The following HHIPL1 variants were observed in gnomAD, a reference collection of about 807,000 sequenced individuals.
HHIPL1 encodes HHIP like 1.
A neutral mutation model predicts 61.8 loss-of-function variants in HHIPL1; 43 were observed. That is an observed-to-expected ratio of 0.70 (90% CI 0.55 to 0.90). The LOEUF (loss-of-function observed/expected upper bound fraction) is 0.90. HHIPL1 is among the 40% of genes least tolerant of loss of function. HHIPL1 has a pLI of 0.00. For missense variants in HHIPL1, 1,056 were observed against 1,157.7 expected (o/e 0.91, Z 1.28); for synonymous variants, 482 against 515.8 (o/e 0.93, Z 0.89).
At chr14:99,670,497 C>T (rs974457227) in intron 7 of HHIPL1, among the ~76,000 whole-genome samples, 7 of 152,284 alleles carry the variant, frequency 4.6e-5, no homozygotes, top group East Asian at 1.9e-4. Context: ...TTAGTGGTTG[C>T]GTCTGCTTAG....
At chr14:99,669,047 A>G (rs1176614615) in intron 7 of HHIPL1, 12 of 1,460,932 alleles carry the variant, frequency 8.2e-6, no homozygotes, top group Non-Finnish European at 9.0e-6. Context: ...CTCTTCAAGC[A>G]CCTTCCCCAA....
At chr14:99,671,759 A>C (rs567443672) in intron 7 of HHIPL1, among the ~76,000 whole-genome samples, 38 of 152,202 alleles carry the variant, frequency 2.5e-4, no homozygotes, top group African/African-American at 7.5e-4. Context: ...CAAGGCCCCA[A>C]ATCCCTCAGC....
At chr14:99,641,348 AT>A (rs2055749001), upstream of HHIPL1, among the ~76,000 whole-genome samples, 1 of 139,592 alleles carries the variant, frequency 7.2e-6, no homozygotes, top group African/African-American at 2.6e-5. Context: ...TTTTATTTCT[AT>A]TTTTTTCTTC....
chr14:99,612,519 G>C, the HHIPL1 span, among the ~76,000 whole-genome samples: 2 of 152,146 alleles, frequency 1.3e-5, no homozygotes, highest in East Asian at 3.9e-4. Context: ...GCTTTCACAG[G>C]TACACAAATA....
chr14:99,619,058 G>A, the HHIPL1 span, among the ~76,000 whole-genome samples: 1 of 152,116 alleles, frequency 6.6e-6, no homozygotes, highest in Non-Finnish European at 1.5e-5. Flanking sequence ...TTTGTAATTG[G>A]TGGCAGTGCC....
chr14:99,629,572 A>G, the HHIPL1 span, among the ~76,000 whole-genome samples: 2 of 151,934 alleles, frequency 1.3e-5, no homozygotes, highest in South Asian at 2.1e-4. Flanking sequence ...ATCTTGGCTC[A>G]CTGCAACCTC....
intron 6 of HHIPL1, among the ~76,000 whole-genome samples, chr14:99,664,236 C>G (rs2056203741): frequency 6.6e-6 from 1 of 152,158 alleles, no homozygotes; most frequent in Admixed American, 6.5e-5. Flanking sequence ...GTGTCCCCTG[C>G]CCGGCTCAGT....
chr14:99,643,040 A>AC (rs566962537), upstream of HHIPL1, among the ~76,000 whole-genome samples: 189 of 149,522 alleles, frequency 1.3e-3, 7 homozygotes, highest in Middle Eastern at 0.021. Context: ...CTTCTGACTG[A>AC]CTTTTTTTTT....
In HHIPL1 at chr14:99,675,201, G is replaced by T; in HGVS notation, c.1924G>T (p.Ala642Ser). The change falls in exon 9 of 9, where the codon GCG becomes TCG. Residue 642 changes from alanine (A) to serine (S), a missense_variant. By Grantham distance (99) the Ala-to-Ser change is moderately conservative. Coordinates refer to ENST00000330710, the MANE Select transcript of HHIPL1 (RefSeq NM_001127258.3). This position sits in a 1 kb window ranked among gnomAD's most constrained non-coding sequence, Gnocchi z 5.4. ...TCCCCCCGCGCCAACCCCGCGGCCA[G>T]CGCGGCCCACCCAGCAGCCAGGGAG... The part of the protein sequence containing the change: ...AAPPAPTPRP[A>S]RPTQQPGSRR... 2 of 1,159,198 alleles carry T rather than the reference G, an allele frequency of 1.7e-6. No homozygotes were observed. The highest frequency in any genetic ancestry group is 2.1e-6 in the Non-Finnish European group (2 of 936,366). 71.8% of individuals were successfully genotyped at this position (1,159,198 alleles called of 1,614,324 possible).
At chr14:99,666,162 C>T (rs1246906860) in intron 6 of HHIPL1, among the ~76,000 whole-genome samples, 1 of 152,108 alleles carries the variant, frequency 6.6e-6, no homozygotes, top group Non-Finnish European at 1.5e-5. Flanking sequence ...CTATGACTGG[C>T]TTTGGGGGAA....
the HHIPL1 span, among the ~76,000 whole-genome samples, chr14:99,628,031 G>C: frequency 6.6e-6 from 1 of 152,062 alleles, no homozygotes; most frequent in Non-Finnish European, 1.5e-5. Context: ...CCTAGAGGGG[G>C]ATGGATTGGA....
the HHIPL1 span, among the ~76,000 whole-genome samples, chr14:99,624,271 C>T: frequency 3.9e-5 from 6 of 152,158 alleles, no homozygotes; most frequent in African/African-American, 1.2e-4. Flanking sequence ...TGGGGGCACT[C>T]GGGCCTGGGT....
Position 99,660,246 on chromosome 14 carries a change from G to T in HHIPL1, c.1376-34G>T, listed in dbSNP as rs1401251148. 2 of 1,613,120 alleles carry T rather than the reference G, an allele frequency of 1.2e-6. No homozygotes were observed. Among genetic ancestry groups the T allele is most frequent in the Non-Finnish European group, 1.7e-6 (2 of 1,179,754 alleles). ...TGGCTGATGAACCTTCCCGCCGCTG[G>T]CTCACCGAAGCTTCTCTCCCTCCCA... On this transcript the variant is annotated intron_variant, in intron 4 of 8. Transcript: ENST00000330710. This position sits in a 1 kb window ranked among gnomAD's most constrained non-coding sequence, Gnocchi z 4.9.
chr14:99,660,468 T>G lies in HHIPL1; in HGVS notation c.1502+62T>G. 1 of 1,565,144 alleles carries G rather than the reference T, an allele frequency of 6.4e-7. No homozygotes were observed. Among genetic ancestry groups the G allele is most frequent in the Non-Finnish European group, 8.7e-7 (1 of 1,148,888 alleles). ...CCACTGGCTCCTTGGGACTGGCTCC[T>G]TGGTAAAGGGGAGTGTATGTGTGCG... On this transcript the variant is annotated intron_variant, in intron 5 of 8. Coordinates refer to ENST00000330710, the MANE Select transcript of HHIPL1 (RefSeq NM_001127258.3). The surrounding 1 kb of genome is among the most constrained non-coding windows in gnomAD (Gnocchi z 4.9).
rs1313959821 is a variant in HHIPL1 at position 99,672,394 on chromosome 14, A to G, written c.1808A>G (p.Lys603Arg). 1 of 1,550,866 alleles carries G rather than the reference A, an allele frequency of 6.4e-7. No individual in the cohort carries two copies. Among genetic ancestry groups the G allele is most frequent in the East Asian group, 2.4e-5 (1 of 40,914 alleles). The change falls in exon 8 of 9, where the codon AAA becomes AGA. Residue 603 changes from lysine (K) to arginine (R), a missense_variant. Transcript: ENST00000330710. ...IRSRLIPFVPKEKFIPKTRST... is the reference protein window; with the variant it reads ...IRSRLIPFVPREKFIPKTRST... Reference sequence around the variant, plus strand: ...AGCCGTCTCATCCCCTTTGTGCCCAAAGAAAGTAAGTGCCTGCCAGTGGGA... The same window carrying G: ...AGCCGTCTCATCCCCTTTGTGCCCAGAGAAAGTAAGTGCCTGCCAGTGGGA...
chr14:99,613,329 T>A, the HHIPL1 span, among the ~76,000 whole-genome samples: 1 of 151,980 alleles, frequency 6.6e-6, no homozygotes, highest in African/African-American at 2.4e-5. Flanking sequence ...TGGTTTTTTT[T>A]AATTAATTTT....
Position 99,660,137 on chromosome 14 carries a change from TGCTGTGGGCAC to T in HHIPL1, c.1376-140_1376-130del. 1 of 673,388 alleles carries T rather than the reference TGCTGTGGGCAC, an allele frequency of 1.5e-6. No individual in the cohort carries two copies. Among genetic ancestry groups the T allele is most frequent in the Non-Finnish European group, 2.2e-6 (1 of 463,396 alleles). 41.7% of individuals were successfully genotyped at this position (673,388 alleles called of 1,614,324 possible). ...GACACGCTTTCCACCACGCCAGCCC[TGCTGTGGGCAC>T]GCCAGCCCTGCTGTGGGCACGCCCC... On this transcript the variant is annotated intron_variant, in intron 4 of 8. Coordinates refer to ENST00000330710, the MANE Select transcript of HHIPL1 (RefSeq NM_001127258.3). The surrounding 1 kb of genome is among the most constrained non-coding windows in gnomAD (Gnocchi z 4.9).
chr14:99,671,200 G>T (rs142038719), intron 7 of HHIPL1, among the ~76,000 whole-genome samples: 2 of 152,222 alleles, frequency 1.3e-5, no homozygotes, highest in Non-Finnish European at 2.9e-5. Flanking sequence ...TAAATGGGGA[G>T]TGGAGGAGGT....
At chr14:99,638,498 C>T in the HHIPL1 span, among the ~76,000 whole-genome samples, 11 of 152,314 alleles carry the variant, frequency 7.2e-5, no homozygotes, top group East Asian at 1.9e-4. Context: ...GTCCACTGGC[C>T]TATGTGCCCT....
Sources: allele counts gnomAD v4.1 joint callset (sites outside exome capture counted in the v4.1 genomes callset), GRCh38; gene constraint gnomAD v4.1.1; non-coding constraint Gnocchi (gnomAD v3.1); transcripts MANE v1.5; gene names NCBI Gene and HGNC (gene_info 2026-07-23, HGNC 2026-07-21).